The following TRPV6 variants were observed in gnomAD, a reference collection of about 807,000 sequenced individuals.
TRPV6 encodes transient receptor potential cation channel subfamily V member 6.
In TRPV6, 39 loss-of-function variants were observed where a neutral mutation model predicts 79.0. The ratio of observed to expected loss-of-function variants is 0.49; its 90% CI spans 0.38 to 0.64. The LOEUF is 0.64. Ranked by LOEUF, TRPV6 falls within the 30% of genes least tolerant of loss-of-function variation. The pLI, the probability that TRPV6 is intolerant of heterozygous loss-of-function variation, is 0.00. For synonymous variants in TRPV6, 373 were observed against 391.9 expected, an observed-to-expected ratio of 0.95 and a Z score of 0.57; for missense variants, 813 against 1,011.1, an observed-to-expected ratio of 0.80 and a Z score of 2.66.
intron 1 of TRPV6, chr7:142,880,457 TC>T (rs1388519738): frequency 4.1e-4 from 62 of 152,312 alleles, no homozygotes; most frequent in Middle Eastern, 3.4e-3. Context: ...CCTGCCCTCC[TC>T]CAATATGCTT....
intron 8 of TRPV6, 34 bp from the exon 9 acceptor site, chr7:142,875,198 G>A (rs2116513573): frequency 6.2e-7 from 1 of 1,610,610 alleles, no homozygotes; most frequent in East Asian, 2.2e-5. Context: ...AAATGCTCAG[G>A]GCTTTCAGGC....
intron 3 of TRPV6, 73 bp from the exon 4 acceptor site, chr7:142,877,352 C>T (rs1795097994): frequency 6.3e-7 from 1 of 1,582,860 alleles, no homozygotes; most frequent in Non-Finnish European, 8.6e-7. Context: ...ATATGCACCC[C>T]AGTCTCTTTC....
chr7:142,875,201 T>G (rs1795032987), intron 8 of TRPV6, 37 bp from the exon 9 acceptor site: 2 of 1,609,054 alleles, frequency 1.2e-6, no homozygotes, highest in Admixed American at 3.3e-5. Context: ...TGCTCAGGGC[T>G]TTCAGGCCTC....
intron 6 of TRPV6, chr7:142,876,148 GGGGCTGAAAGGGAA>G (rs1288489294): frequency 1.0e-5 from 7 of 678,636 alleles, no homozygotes; most frequent in Non-Finnish European, 1.7e-5. Flanking sequence ...CCCTGCTCTG[GGGGCTGAAAGGGAA>G]GGTGGGCTGG....
intron 1 of TRPV6, chr7:142,879,140 G>C (rs1268503558): frequency 6.6e-6 from 1 of 152,284 alleles, no homozygotes; most frequent in East Asian, 1.9e-4. Flanking sequence ...AGAGAAAAAA[G>C]AGAATCCAAT....
chr7:142,885,243 G>A, intron 1 of TRPV6, 146 bp downstream of exon 1: 1 of 923,890 alleles, frequency 1.1e-6, no homozygotes, highest in Non-Finnish European at 1.6e-6. Flanking sequence ...TCTTAAGACA[G>A]AATGCTCCCA....
At position 142,876,779 on chromosome 7, in the gene TRPV6, G is replaced by A. The variant is rs756088722; in HGVS notation, c.666C>T (p.Leu222=). The A allele has an allele frequency of 1.2e-6, 2 of 1,614,082 alleles. No homozygotes were observed. Among genetic ancestry groups the A allele is most frequent in the Non-Finnish European group, 1.7e-6 (2 of 1,180,010 alleles). The change falls in exon 5 of 15, where the codon CTC becomes CTT. Residue 222 remains leucine (L), a synonymous_variant. Transcript: ENST00000359396. ...CCCGGATGTCAGCTCCATGCTCAAT[G>A]AGCAGCCGCACGATCTCCTCACTGT...
intron 4 of TRPV6, 112 bp from the exon 5 acceptor site, chr7:142,876,949 G>A (rs1018354339): frequency 2.8e-5 from 42 of 1,491,918 alleles, no homozygotes; most frequent in Non-Finnish European, 3.7e-5. Flanking sequence ...CAGGGCTTGA[G>A]GACACTTTTC....
In TRPV6 at chr7:142,871,964, G is replaced by A. The variant is rs763231754; in HGVS notation, c.2041C>T (p.Arg681Trp). Residue 681 changes from arginine (R) to tryptophan (W), a missense_variant, in exon 15 of 15, where the codon CGG (arginine) becomes TGG (tryptophan). By Grantham distance (101) the Arg-to-Trp change is moderately radical (BLOSUM62 -3). Around this residue, in one of 3 missense-constraint regions of TRPV6, gnomAD observed 164 missense variants for 186.1 expected, o/e 0.88. Coordinates refer to ENST00000359396, the MANE Select transcript of TRPV6 (RefSeq NM_018646.6). ...TGTGCGTAGCGTTGGATCCGCTGCC[G>A]GTTGAGATCTTGCCTGTCTTCCACC... 51 of 1,603,968 alleles carry A rather than the reference G, an allele frequency of 3.2e-5. No homozygotes were observed. Among genetic ancestry groups the A allele is most frequent in the South Asian group, 4.5e-5 (4 of 89,504 alleles).
At chr7:142,876,072 T>C in intron 6 of TRPV6, 168 bp from the exon 7 acceptor site, 1 of 748,498 alleles carries the variant, frequency 1.3e-6, no homozygotes, top group Non-Finnish European at 2.1e-6. Context: ...GTGACATTCA[T>C]AGGTTCCTCA....
At chr7:142,881,309 A>C (rs79998400) in intron 1 of TRPV6, 1 of 152,194 alleles carries the variant, frequency 6.6e-6, no homozygotes. Context: ...AGCACCCTGC[A>C]CATGACAGCC....
At chr7:142,877,108 A>G (rs1476746902) in intron 4 of TRPV6, 34 bp downstream of exon 4, 4 of 1,598,156 alleles carry the variant, frequency 2.5e-6, no homozygotes, top group East Asian at 4.5e-5. Flanking sequence ...CACCTTTCCA[A>G]CTGCCCGTCC....
In TRPV6 at chr7:142,885,541, G is replaced by A; in HGVS notation, c.96C>T (p.Ala32=). 2.5e-6 allele frequency: 4 copies of A among 1,588,500 alleles called. No individual in the cohort carries two copies. Among genetic ancestry groups the A allele is most frequent in the Non-Finnish European group, 3.4e-6 (4 of 1,165,794 alleles). The change falls in exon 1 of 15, where the codon GCC becomes GCT. Residue 32 remains alanine, a synonymous_variant. Transcript: ENST00000359396. Reference sequence around the variant, plus strand: ...TGGGGTGTAGGGCCGGCTCCTTGGGGGCCTGAGGCCGAGGCCAGACCCTGA... The same window carrying A: ...TGGGGTGTAGGGCCGGCTCCTTGGGAGCCTGAGGCCGAGGCCAGACCCTGA...
chr7:142,875,110 C>T lies in TRPV6; in HGVS notation c.1297G>A (p.Val433Ile), dbSNP rs1257667572. The T allele has an allele frequency of 2.5e-6, 4 of 1,614,048 alleles. No individual in the cohort carries two copies. Among genetic ancestry groups the T allele is most frequent in the Admixed American group, 1.7e-5 (1 of 60,000 alleles). The stretch of plus-strand genomic sequence containing the variant: ...AGCAGGATGATGATAGCCCCAATGA[C>T]AGTCACCAGCTCCCCGACCAGCCGG... Residue 433 changes from valine to isoleucine, a missense_variant, in exon 9 of 15, where the codon GTC (valine) becomes ATC (isoleucine). This residue lies in a region of TRPV6 where 555 missense variants were observed against 631.0 expected (regional missense o/e 0.88). Transcript: ENST00000359396.
Position 142,874,645 on chromosome 7 carries a change from G to T in TRPV6, c.1418C>A (p.Ala473Asp). 1 of 1,613,772 alleles carries T rather than the reference G, an allele frequency of 6.2e-7. No homozygotes were observed. Among genetic ancestry groups the T allele is most frequent in the Non-Finnish European group, 8.5e-7 (1 of 1,179,790 alleles). ...CACCATGGTCACCAGCACCATGAAGGCATAGGTGATGCTGGGGGAGCAGGG... is the reference window on the plus strand; with the variant it reads ...CACCATGGTCACCAGCACCATGAAGTCATAGGTGATGCTGGGGGAGCAGGG... Residue 473 changes from alanine to aspartate, a missense_variant, in exon 11 of 15, where the codon GCC (alanine) becomes GAC (aspartate). Physicochemically the swap from Ala to Asp is moderately radical, Grantham distance 126. This residue lies in a region of TRPV6 where 555 missense variants were observed against 631.0 expected (regional missense o/e 0.88). Transcript: ENST00000359396.
At chr7:142,872,596 A>G (rs930688874) in intron 13 of TRPV6, 118 bp from the exon 14 acceptor site, 8 of 1,019,828 alleles carry the variant, frequency 7.8e-6, no homozygotes, top group Non-Finnish European at 1.2e-5. Flanking sequence ...CTTGAGACCA[A>G]CAATTCTTTA....
intron 1 of TRPV6, chr7:142,881,221 G>A (rs777492208): frequency 6.6e-6 from 1 of 152,124 alleles, no homozygotes; most frequent in Non-Finnish European, 1.5e-5. Flanking sequence ...GTGCTTGGGG[G>A]ACAAATAGAT....
At chr7:142,876,003 G>A (rs1795059893) in intron 6 of TRPV6, 99 bp from the exon 7 acceptor site, 3 of 1,365,958 alleles carry the variant, frequency 2.2e-6, no homozygotes, top group African/African-American at 2.9e-5. Flanking sequence ...CCCTGGAGAA[G>A]GTGGCTGCCC....
At position 142,877,266 on chromosome 7, in the gene TRPV6, C is replaced by A. The variant is rs1482055507; in HGVS notation, c.483G>T (p.Leu161=). 6.2e-7 allele frequency: 1 copy of A among 1,614,160 alleles called. No individual in the cohort carries two copies. The highest frequency in any genetic ancestry group is 2.2e-5 in the East Asian group (1 of 44,866). ...TGTTCTGGTTCACAACAGCGATGTG[C>A]AGTGCAGTCTGACCTGGCCCAGAGA... The change falls in exon 4 of 15, where the codon CTG becomes CTT. Residue 161 remains leucine (L), a synonymous_variant. Coordinates refer to ENST00000359396, the MANE Select transcript of TRPV6 (RefSeq NM_018646.6).
Sources: gnomAD v4.1 joint callset for allele counts on GRCh38, gnomAD v4.1.1 for gene constraint, gnomAD v4.1.1 regional missense constraint, MANE v1.5 for transcripts, NCBI Gene and HGNC (gene_info 2026-07-23, HGNC 2026-07-21) for gene names.